NEURL4: variants seen among roughly 807,000 people sequenced by gnomAD.
NEURL4 encodes neuralized-like protein 4.
Under a neutral mutation model 148.0 loss-of-function variants are expected in NEURL4, and 45 were observed. The ratio of observed to expected loss-of-function variants is 0.30; its 90% CI spans 0.24 to 0.39. NEURL4 has a LOEUF of 0.39. Ranked by LOEUF, NEURL4 falls within the 10% of genes least tolerant of loss-of-function variation. The pLI, the probability that NEURL4 is intolerant of heterozygous loss-of-function variation, is 1.00. For missense variants in NEURL4, 1,776 were observed against 2,144.0 expected, an observed-to-expected ratio of 0.83 and a Z score of 3.39; for synonymous variants, 854 against 869.0, an observed-to-expected ratio of 0.98 and a Z score of 0.30.
At chr17:7,317,767 C>T (rs1402251113) in intron 26 of NEURL4, 21 bp downstream of exon 26, 10 of 1,611,446 alleles carry the variant, frequency 6.2e-6, no homozygotes, top group African/African-American at 1.3e-5. Flanking sequence ...AGGGGAAAGG[C>T]ATGACCTTGC....
chr17:7,329,241 G>GGCCCCCCC lies in NEURL4; in HGVS notation c.71_72insGGGGGGGC (p.Pro25GlyfsTer31). On this transcript the variant is annotated frameshift_variant, in exon 1 of 29. Transcript: ENST00000399464. LOFTEE classifies it high-confidence loss of function. ...CCGGTCCTGAGCCGCTCCCGCTGGG[G>GGCCCCCCC]CCCCCACCCCCGCCCGGCCCCGGTC... 1 of 1,481,512 alleles carries GGCCCCCCC rather than the reference G, an allele frequency of 6.7e-7. No individual in the cohort carries two copies. Among genetic ancestry groups the GGCCCCCCC allele is most frequent in the Non-Finnish European group, 9.0e-7 (1 of 1,116,076 alleles). 91.8% of individuals were successfully genotyped at this position (1,481,512 alleles called of 1,614,324 possible).
chr17:7,318,044 C>T lies in NEURL4; in HGVS notation c.4060+21G>A, dbSNP rs538715477. 140 of 1,614,016 alleles carry T rather than the reference C, an allele frequency of 8.7e-5. No individual in the cohort carries two copies. In the East Asian group the frequency reaches 2.4e-3, roughly 27 times the overall value. ...CCTGGCCCTGGGAATGAAGTCAGTT[C>T]TGGCGGACTGTGGGACTCACCGGGA... On this transcript the variant is annotated intron_variant, in intron 25 of 28. Coordinates refer to ENST00000399464, the MANE Select transcript of NEURL4 (RefSeq NM_032442.3). This position sits in a 1 kb window ranked among gnomAD's most constrained non-coding sequence, Gnocchi z 4.3.
At chr17:7,328,260 A>G (rs1195013866) in intron 1 of NEURL4, among the ~76,000 whole-genome samples, 1 of 152,132 alleles carries the variant, frequency 6.6e-6, no homozygotes, top group Non-Finnish European at 1.5e-5. Flanking sequence ...ATTCTCTCCA[A>G]AGATCAGGCT....
At position 7,324,418 on chromosome 17, in the gene NEURL4, C is replaced by G; in HGVS notation, c.1876G>C (p.Gly626Arg). The change falls in exon 10 of 29, where the codon GGG (glycine) becomes CGG (arginine). Residue 626 changes from glycine (G) to arginine (R), a missense_variant. Physicochemically the swap from Gly to Arg is moderately radical, Grantham distance 125 (BLOSUM62 -2). Transcript: ENST00000399464. The surrounding 1 kb of genome is among the most constrained non-coding windows in gnomAD (Gnocchi z 5.9). ...ACCTTGAGGCGGTCCAGATTGTGCC[C>G]GTATTCATCCAGGATGGTCGTCCCA... ...HNGTTILDEY[G>R]HNLDRLKAGD... is the part of the protein sequence containing the mutation. 1 of 1,614,184 alleles carries G rather than the reference C, an allele frequency of 6.2e-7. No homozygotes were observed.
In NEURL4 at chr17:7,329,164, C is replaced by T; in HGVS notation, c.149G>A (p.Arg50His). 2 of 1,601,914 alleles carry T rather than the reference C, an allele frequency of 1.2e-6. No individual in the cohort carries two copies. Among genetic ancestry groups the T allele is most frequent in the Non-Finnish European group, 1.7e-6 (2 of 1,176,332 alleles). The change falls in exon 1 of 29, where the codon CGC (arginine) becomes CAC (histidine). Residue 50 changes from arginine to histidine, a missense_variant. By Grantham distance (29) the Arg-to-His change is conservative. Coordinates refer to ENST00000399464, the MANE Select transcript of NEURL4 (RefSeq NM_032442.3). Reference sequence around the variant, plus strand: ...CCCACAGGCCGACAGGCTCACCAAGCGCCCAGTGCGCGGGTGCAGTTCCCC... The same window carrying T: ...CCCACAGGCCGACAGGCTCACCAAGTGCCCAGTGCGCGGGTGCAGTTCCCC... ...SGGELHPRTG[R>H]LVSLSACGRT...
At position 7,324,091 on chromosome 17, in the gene NEURL4, C is replaced by T; in HGVS notation, c.2062+17G>A. 1 of 1,611,112 alleles carries T rather than the reference C, an allele frequency of 6.2e-7. No individual in the cohort carries two copies. On this transcript the variant is annotated intron_variant, in intron 11 of 28. Transcript: ENST00000399464. This position sits in a 1 kb window ranked among gnomAD's most constrained non-coding sequence, Gnocchi z 5.9. ...AGGCCACCCTAACCCCCAGCCCCAG[C>T]CCAGCCCGGCCCTCACCCACGTCGT...
At chr17:7,325,110 G>A (rs2073085096) in intron 8 of NEURL4, 99 bp downstream of exon 8, 2 of 1,509,204 alleles carry the variant, frequency 1.3e-6, no homozygotes, top group African/African-American at 1.4e-5. Flanking sequence ...CCAGGAAGCT[G>A]CCCCCGCCAG....
At chr17:7,319,264 G>A (rs575656777) in intron 21 of NEURL4, 56 bp from the exon 22 acceptor site, 44 of 1,500,038 alleles carry the variant, frequency 2.9e-5, no homozygotes, top group Admixed American at 5.7e-5. Context: ...ACCAGGCTCC[G>A]CACCCCAGCC....
Position 7,324,974 on chromosome 17 carries a change from G to A in NEURL4, c.1638C>T (p.Thr546=), listed in dbSNP as rs200396163. The change falls in exon 9 of 29, where the codon ACC becomes ACT. Residue 546 remains threonine, a synonymous_variant. Transcript: ENST00000399464. The surrounding 1 kb of genome is among the most constrained non-coding windows in gnomAD (Gnocchi z 5.9). ...EGRTALRPHA[T]DDFNHGVVLS... is the part of the protein sequence containing the mutation. ...GCACCACGCCGTGATTGAAGTCATC[G>A]GTGGCACTGAGGGCACAGCAAGTGG... 20 of 1,613,946 alleles carry A rather than the reference G, an allele frequency of 1.2e-5. No homozygotes were observed. Among genetic ancestry groups the A allele is most frequent in the East Asian group, 1.1e-4 (5 of 44,872 alleles).
intron 21 of NEURL4, among the ~76,000 whole-genome samples, 195 bp from the exon 22 acceptor site, chr17:7,319,403 T>TTTTA (rs1555539108): frequency 3.8e-5 from 5 of 131,436 alleles, no homozygotes; most frequent in Admixed American, 1.5e-4. Flanking sequence ...TTTTTTTTTT[T>TTTTA]AAAAAAAAGA....
rs953825957 is a variant in NEURL4, at chr17:7,321,490, T to C, written c.3100-31A>G. On this transcript the variant is annotated intron_variant, in intron 18 of 28. Coordinates refer to ENST00000399464, the MANE Select transcript of NEURL4 (RefSeq NM_032442.3). This position sits in a 1 kb window ranked among gnomAD's most constrained non-coding sequence, Gnocchi z 6.3. ...ACCGAGGTAGGACAAGGACGGACGA[T>C]GTTCAGCCCACCTCTCCCTGCCACC... The C allele has an allele frequency of 3.2e-5, 51 of 1,613,402 alleles. No individual in the cohort carries two copies. Among genetic ancestry groups the C allele is most frequent in the Non-Finnish European group, 4.0e-5 (47 of 1,179,542 alleles).
chr17:7,324,737 G>A lies in NEURL4; in HGVS notation c.1813+62C>T. On this transcript the variant is annotated intron_variant, in intron 9 of 28. Transcript: ENST00000399464. The surrounding 1 kb of genome is among the most constrained non-coding windows in gnomAD (Gnocchi z 5.9). ...AAAAGGAGCTGCAGAACAAGTGCCAGGGCTTTGGGGATAGCTTCCCCCCAA... is the reference window on the plus strand; with the variant it reads ...AAAAGGAGCTGCAGAACAAGTGCCAAGGCTTTGGGGATAGCTTCCCCCCAA... 6.4e-7 allele frequency: 1 copy of A among 1,561,842 alleles called. No individual in the cohort carries two copies. Among genetic ancestry groups the A allele is most frequent in the Non-Finnish European group, 8.8e-7 (1 of 1,136,670 alleles).
rs2073042872 is a variant in NEURL4 at position 7,322,154 on chromosome 17, C to T, written c.2726-144G>A. ...GCCATTACACCTCAGGGCCTCCTGACACCTCTTTATTGTATTTTGTTGAGG... is the reference window on the plus strand; with the variant it reads ...GCCATTACACCTCAGGGCCTCCTGATACCTCTTTATTGTATTTTGTTGAGG... On this transcript the variant is annotated intron_variant, in intron 16 of 28. Transcript: ENST00000399464. This position sits in a 1 kb window ranked among gnomAD's most constrained non-coding sequence, Gnocchi z 5.5. 2.2e-6 allele frequency: 2 copies of T among 909,598 alleles called. No homozygotes were observed. The highest frequency in any genetic ancestry group is 3.3e-6 in the Non-Finnish European group (2 of 605,808). 56.3% of individuals were successfully genotyped at this position (909,598 alleles called of 1,614,324 possible). A position where few individuals can be genotyped will look rare whatever the true frequency, so the allele number is the denominator to read the frequency against.
In NEURL4 at chr17:7,329,099, G is replaced by C; in HGVS notation, c.214C>G (p.His72Asp). 5 of 1,610,392 alleles carry C rather than the reference G, an allele frequency of 3.1e-6. No homozygotes were observed. In the Admixed American group the frequency reaches 6.7e-5, roughly 22 times the overall value. The change falls in exon 1 of 29, where the codon CAC (histidine) becomes GAC (aspartate). Residue 72 changes from histidine (H) to aspartate (D), a missense_variant. Coordinates refer to ENST00000399464, the MANE Select transcript of NEURL4 (RefSeq NM_032442.3). ...RRQQPGQEFN[H>D]GLVLSREPLR... ...GGTTCTCGGCTCAACACCAGCCCGT[G>C]GTTAAACTCCTGGCCCGGCTGCTGC...
Position 7,315,910 on chromosome 17 carries a change from G to A in NEURL4, c.*213C>T. On this transcript the variant is annotated 3_prime_UTR_variant, in exon 29 of 29. Transcript: ENST00000399464. Reference sequence around the variant, plus strand: ...CCAGGGCCTGGAGCTGGGCTCCCACGACTCCTCCCATCAGACGGAGTGCTG... The same window carrying A: ...CCAGGGCCTGGAGCTGGGCTCCCACAACTCCTCCCATCAGACGGAGTGCTG... 1 of 595,644 alleles carries A rather than the reference G, an allele frequency of 1.7e-6. No homozygotes were observed. The highest frequency in any genetic ancestry group is 2.0e-5 in the South Asian group (1 of 49,866). The allele number at this position is 595,644 out of a possible 1,614,324, so 36.9% of individuals were successfully genotyped here.
chr17:7,323,949 G>C lies in NEURL4; in HGVS notation c.2126C>G (p.Ser709Cys). Residue 709 changes from serine (S) to cysteine (C), a missense_variant, in exon 12 of 29, where the codon TCC (serine) becomes TGC (cysteine). By Grantham distance (112) the Ser-to-Cys change is moderately radical. Coordinates refer to ENST00000399464, the MANE Select transcript of NEURL4 (RefSeq NM_032442.3). The part of the protein sequence containing the change: ...GNNQVSPSSP[S>C]SGAGGSDLRF... Reference sequence around the variant, plus strand: ...CAGGTCAGAGCCCCCGGCCCCTGAGGACGGAGAGCTTGGAGACACCTGGTT... The same window carrying C: ...CAGGTCAGAGCCCCCGGCCCCTGAGCACGGAGAGCTTGGAGACACCTGGTT... The C allele has an allele frequency of 6.2e-7, 1 of 1,613,120 alleles. No homozygotes were observed. The highest frequency in any genetic ancestry group is 8.5e-7 in the Non-Finnish European group (1 of 1,180,036).
At position 7,327,732 on chromosome 17, in the gene NEURL4, C is replaced by G. The variant is rs746178467; in HGVS notation, c.435G>C (p.Glu145Asp). Residue 145 changes from glutamate (E) to aspartate (D), a missense_variant, in exon 2 of 29, where the codon GAG becomes GAC. Glu to Asp is a conservative substitution (Grantham distance 45). Transcript: ENST00000399464. The surrounding 1 kb of genome is among the most constrained non-coding windows in gnomAD (Gnocchi z 6.6). ...VLRDGRSVLE[E>D]YGQDLDQLGE... ...CAAGCTGGTCCAGGTCCTGACCATA[C>G]TCCTCCAACACAGAGCGTCCATCTC... 1 of 1,614,136 alleles carries G rather than the reference C, an allele frequency of 6.2e-7. No individual in the cohort carries two copies. Among genetic ancestry groups the G allele is most frequent in the Non-Finnish European group, 8.5e-7 (1 of 1,180,038 alleles).
rs901360959 is a variant in NEURL4, at chr17:7,317,951, C to CA, written c.4061-20dup. ...TAATCTTCTGCGGGACAGTGAGTAG[C>CA]AGGCTTGGTGCTGTGGCTCCCACCT... On this transcript the variant is annotated intron_variant, in intron 25 of 28. Coordinates refer to ENST00000399464, the MANE Select transcript of NEURL4 (RefSeq NM_032442.3). 4 of 1,614,004 alleles carry CA rather than the reference C, an allele frequency of 2.5e-6. No individual in the cohort carries two copies. The highest frequency in any genetic ancestry group is 1.3e-5 in the African/African-American group (1 of 74,934).
At position 7,316,230 on chromosome 17, in the gene NEURL4, C is replaced by T. The variant is rs573616466; in HGVS notation, c.4582G>A (p.Ala1528Thr). The T allele has an allele frequency of 1.9e-6, 3 of 1,613,894 alleles. No individual in the cohort carries two copies. In the South Asian group the frequency reaches 3.3e-5, roughly 18 times the overall value. The change falls in exon 29 of 29, where the codon GCC (alanine) becomes ACC (threonine). Residue 1528 changes from alanine to threonine, a missense_variant. By Grantham distance (58) the Ala-to-Thr change is moderately conservative (BLOSUM62 0). Coordinates refer to ENST00000399464, the MANE Select transcript of NEURL4 (RefSeq NM_032442.3). ...TGAGGGTCAGGAGGTTCTCCAAGGG[C>T]AGCGGAAGGGGGTCCCGGGGTGTAG... ...GSYTPGPPSA[A>T]LGEPPDPHFS...
Sources: allele counts gnomAD v4.1 joint callset (sites outside exome capture counted in the v4.1 genomes callset), GRCh38; gene constraint gnomAD v4.1.1; non-coding constraint Gnocchi (gnomAD v3.1); transcripts MANE v1.5; gene names NCBI Gene and HGNC (gene_info 2026-07-23, HGNC 2026-07-21).